PSMD2: variants seen among roughly 807,000 people sequenced by gnomAD.
PSMD2 encodes the protein proteasome 26S subunit ubiquitin receptor, non-ATPase 2, also known as 26S proteasome non-ATPase regulatory subunit 2.
A neutral mutation model predicts 101.5 loss-of-function variants in PSMD2; 8 were observed. The observed-to-expected ratio is 0.08, with a 90% CI of 0.05 to 0.14. PSMD2 has a LOEUF of 0.14. Ranked by LOEUF, PSMD2 falls within the 10% of genes least tolerant of loss-of-function variation. The pLI is 1.00. For synonymous variants in PSMD2, 418 were observed against 433.8 expected (o/e 0.96, Z 0.45); for missense variants, 784 against 1,147.4 (o/e 0.68, Z 4.58).
In PSMD2 at chr3:184,301,524, CTT is replaced by C. The variant is rs770599135; in HGVS notation, c.358-10_358-9del. 13 of 1,612,828 alleles carry C rather than the reference CTT, an allele frequency of 8.1e-6. No homozygotes were observed. In the African/African-American group the frequency reaches 1.2e-4, roughly 15 times the overall value. Reference sequence around the variant, plus strand: ...CTGCTGGGTTTGACTTCAAAGAACTCTTTTCTTTATAGCGTTTTGCTGCTGAC... The same window carrying C: ...CTGCTGGGTTTGACTTCAAAGAACTCTTCTTTATAGCGTTTTGCTGCTGAC... On this transcript the variant is annotated splice_polypyrimidine_tract_variant and intron_variant, in intron 3 of 20. Transcript: ENST00000310118.
At position 184,302,353 on chromosome 3, in the gene PSMD2, T is replaced by TA. The variant is rs1721675091; in HGVS notation, c.705-16dup. 1.9e-6 allele frequency: 3 copies of TA among 1,604,260 alleles called. No individual in the cohort carries two copies. In the South Asian group the frequency reaches 3.4e-5, roughly 18 times the overall value. On this transcript the variant is annotated splice_polypyrimidine_tract_variant and intron_variant, in intron 5 of 20. Coordinates refer to ENST00000310118, the MANE Select transcript of PSMD2 (RefSeq NM_002808.5). ...GCCTGGGACTTTCTGAATTCTTTGTTACTTTTACTTTTGTAGTTGTGTGAA... is the reference window on the plus strand; with the variant it reads ...GCCTGGGACTTTCTGAATTCTTTGTTAACTTTTACTTTTGTAGTTGTGTGAA...
At position 184,306,142 on chromosome 3, in the gene PSMD2, G is replaced by C; in HGVS notation, c.1791G>C (p.Val597=). ...GTTTTGCCAACACACTGGTGGATGTGTGTGCATATGCAGGTCTGTGTCTTT... is the reference window on the plus strand; with the variant it reads ...GTTTTGCCAACACACTGGTGGATGTCTGTGCATATGCAGGTCTGTGTCTTT... ...FRSFANTLVD[V]CAYAGSGNVL... Residue 597 remains valine (V), a synonymous_variant, in exon 14 of 21, where the codon GTG becomes GTC. Transcript: ENST00000310118. 1 of 1,614,234 alleles carries C rather than the reference G, an allele frequency of 6.2e-7. No individual in the cohort carries two copies. Among genetic ancestry groups the C allele is most frequent in the Non-Finnish European group, 8.5e-7 (1 of 1,180,042 alleles).
rs753128651 is a variant in PSMD2, at chr3:184,306,073, G to A, written c.1722G>A (p.Glu574=). ...CTGTAGGGAAGGGTGAGGCCATCGAGGCAATCCTGGCTGCACTGGAGGTTG... is the reference window on the plus strand; with the variant it reads ...CTGTAGGGAAGGGTGAGGCCATCGAAGCAATCCTGGCTGCACTGGAGGTTG... ...LNHLGKGEAI[E]AILAALEVVS... Residue 574 remains glutamate, a synonymous_variant, in exon 14 of 21, where the codon GAG becomes GAA. Coordinates refer to ENST00000310118, the MANE Select transcript of PSMD2 (RefSeq NM_002808.5). The A allele has an allele frequency of 6.2e-7, 1 of 1,614,220 alleles. No homozygotes were observed. The highest frequency in any genetic ancestry group is 8.5e-7 in the Non-Finnish European group (1 of 1,180,044).
chr3:184,302,704 A>T lies in PSMD2; in HGVS notation c.889A>T (p.Met297Leu), dbSNP rs1284421460. The T allele has an allele frequency of 5.6e-6, 9 of 1,614,136 alleles. No homozygotes were observed. Among genetic ancestry groups the T allele is most frequent in the Non-Finnish European group, 6.8e-6 (8 of 1,180,040 alleles). Reference sequence around the variant, plus strand: ...GGTAGTACAGAAACAGATGGCATTCATGCTAGGCCGGCATGGGGTGTTCCT... The same window carrying T: ...GGTAGTACAGAAACAGATGGCATTCTTGCTAGGCCGGCATGGGGTGTTCCT... Reference protein sequence around the residue: ...DVVVQKQMAFMLGRHGVFLEL... With the variant: ...DVVVQKQMAFLLGRHGVFLEL... The change falls in exon 7 of 21, where the codon ATG (methionine) becomes TTG (leucine). Residue 297 changes from methionine (M) to leucine (L), a missense_variant. This residue lies in a region of PSMD2 where 208 missense variants were observed against 301.6 expected (regional missense o/e 0.69). Transcript: ENST00000310118.
chr3:184,305,085 A>C (rs576679279), intron 12 of PSMD2, among the ~76,000 whole-genome samples: 14 of 152,306 alleles, frequency 9.2e-5, no homozygotes, highest in African/African-American at 3.1e-4. Flanking sequence ...CATGGTGGCT[A>C]GTGGCATAGA....
chr3:184,302,370 T>C lies in PSMD2; in HGVS notation c.705T>C (p.Ser235=), dbSNP rs1273137305. The change falls in exon 6 of 21, where the codon AGT becomes AGC. Residue 235 remains serine (S), a splice_region_variant and synonymous_variant. Coordinates refer to ENST00000310118, the MANE Select transcript of PSMD2 (RefSeq NM_002808.5). ...TTCTTTGTTACTTTTACTTTTGTAG[T>C]TGTGTGAATTACGTGCCTGAGCCTG... ...AYAKVCLYLT[S]CVNYVPEPEN... 1 of 1,609,850 alleles carries C rather than the reference T, an allele frequency of 6.2e-7. No individual in the cohort carries two copies. The highest frequency in any genetic ancestry group is 1.7e-5 in the Admixed American group (1 of 58,890).
rs376227960 is a variant in PSMD2 at position 184,305,949 on chromosome 3, T to G, written c.1702+19T>G. On this transcript the variant is annotated intron_variant, in intron 13 of 20. Transcript: ENST00000310118. The stretch of plus-strand genomic sequence containing the variant: ...CACCTGGGTGAGGGGATGTTTCTAT[T>G]TGGGCAAAGAGCTGACAGTAACTGG... 6.8e-5 allele frequency: 110 copies of G among 1,613,902 alleles called. No individual in the cohort carries two copies. Among genetic ancestry groups the G allele is most frequent in the Middle Eastern group, 6.6e-4 (4 of 6,082 alleles).
At chr3:184,302,131 T>G (rs1560194167) in intron 5 of PSMD2, 60 bp downstream of exon 5, 3 of 1,526,280 alleles carry the variant, frequency 2.0e-6, no homozygotes. Flanking sequence ...TCTCTCTCAA[T>G]TGCGCCTCCT....
At chr3:184,301,467 G>T in intron 3 of PSMD2, 70 bp from the exon 4 acceptor site, 1 of 1,567,362 alleles carries the variant, frequency 6.4e-7, no homozygotes, top group East Asian at 2.3e-5. Flanking sequence ...CAATGATCTT[G>T]ATTCCACAAT....
rs1284074098 is a variant in PSMD2, at chr3:184,304,096, T to C, written c.1451+22T>C. On this transcript the variant is annotated intron_variant, in intron 11 of 20. Coordinates refer to ENST00000310118, the MANE Select transcript of PSMD2 (RefSeq NM_002808.5). The surrounding 1 kb of genome is among the most constrained non-coding windows in gnomAD (Gnocchi z 4.1). ...TTGGGTAAGGTTCCTCGCTTGTCTT[T>C]CTGGTAGTGCTCAGCCTGTACACTC... The C allele has an allele frequency of 1.9e-6, 3 of 1,613,582 alleles. No individual in the cohort carries two copies. The highest frequency in any genetic ancestry group is 2.2e-5 in the South Asian group (2 of 91,058).
Position 184,308,114 on chromosome 3 carries a change from AGCTCTGTATC to A in PSMD2, c.2425+104_2425+113del. On this transcript the variant is annotated intron_variant, in intron 19 of 20. Transcript: ENST00000310118. This position sits in a 1 kb window ranked among gnomAD's most constrained non-coding sequence, Gnocchi z 6.0. ...TAATTTAGGTTCAAGACCCCAGTTT[AGCTCTGTATC>A]GCTCTAGGTTTCTGAGACAGGCTTT... 3.4e-6 allele frequency: 5 copies of A among 1,471,194 alleles called. No individual in the cohort carries two copies. The South Asian group carries it at 6.3e-5, about 19-fold the overall frequency. The allele number at this position is 1,471,194 out of a possible 1,614,324, so 91.1% of individuals were successfully genotyped here. A position where few individuals can be genotyped will look rare whatever the true frequency, so the allele number is the denominator to read the frequency against.
At position 184,308,360 on chromosome 3, in the gene PSMD2, A is replaced by T; in HGVS notation, c.2426-89A>T. On this transcript the variant is annotated intron_variant, in intron 19 of 20. Coordinates refer to ENST00000310118, the MANE Select transcript of PSMD2 (RefSeq NM_002808.5). This position sits in a 1 kb window ranked among gnomAD's most constrained non-coding sequence, Gnocchi z 6.0. ...GATTCAGTCGTATGACTGACGGGTT[A>T]AAGGGTCAGCGCTGAGGTGGGCTCT... is the stretch of plus-strand genomic sequence containing the variant. The T allele has an allele frequency of 1.9e-6, 2 of 1,063,644 alleles. No individual in the cohort carries two copies. The highest frequency in any genetic ancestry group is 2.8e-6 in the Non-Finnish European group (2 of 725,642). The allele number at this position is 1,063,644 out of a possible 1,614,324, so 65.9% of individuals were successfully genotyped here. A position where few individuals can be genotyped will look rare whatever the true frequency, so the allele number is the denominator to read the frequency against.
chr3:184,308,416 C>A lies in PSMD2; in HGVS notation c.2426-33C>A. On this transcript the variant is annotated intron_variant, in intron 19 of 20. Transcript: ENST00000310118. The surrounding 1 kb of genome is among the most constrained non-coding windows in gnomAD (Gnocchi z 6.0). ...TTTCTGGCCAGGCCTGTCTTTTTGT[C>A]TCTTAACTTTTTGTCCTGTCTGCTT... 1 of 1,542,044 alleles carries A rather than the reference C, an allele frequency of 6.5e-7. No homozygotes were observed. Among genetic ancestry groups the A allele is most frequent in the South Asian group, 1.1e-5 (1 of 87,066 alleles).
In PSMD2 at chr3:184,308,881, T is replaced by C. The variant is rs1236322521; in HGVS notation, c.2718T>C (p.Tyr906=). The C allele has an allele frequency of 5.0e-6, 8 of 1,611,826 alleles. No individual in the cohort carries two copies. The highest frequency in any genetic ancestry group is 4.0e-5 in the African/African-American group (3 of 74,866). ...TTATCCTTCGGAAGAACCCCAATTATGATCTCTAAGTGACCACCAGGGGCT... is the reference window on the plus strand; with the variant it reads ...TTATCCTTCGGAAGAACCCCAATTACGATCTCTAAGTGACCACCAGGGGCT... The part of the protein sequence containing the change: ...GFVILRKNPN[Y]DL Residue 906 remains tyrosine (Y), a synonymous_variant, in exon 21 of 21, where the codon TAT becomes TAC. Transcript: ENST00000310118. The surrounding 1 kb of genome is among the most constrained non-coding windows in gnomAD (Gnocchi z 6.0).
Position 184,306,739 on chromosome 3 carries a change from C to A in PSMD2, c.1951-12C>A, listed in dbSNP as rs773639548. On this transcript the variant is annotated splice_polypyrimidine_tract_variant and intron_variant, in intron 15 of 20. Transcript: ENST00000310118. ...TTGAGCTTAATGGGTTCTGCTCTCT[C>A]TTCAATTGCAGGGAGTGGCTGTTCT... 5 of 1,611,932 alleles carry A rather than the reference C, an allele frequency of 3.1e-6. No homozygotes were observed. Among genetic ancestry groups the A allele is most frequent in the Middle Eastern group, 1.7e-4 (1 of 6,048 alleles).
At position 184,303,396 on chromosome 3, in the gene PSMD2, T is replaced by C. The variant is rs747910269; in HGVS notation, c.1146T>C (p.Asn382=). The C allele has an allele frequency of 6.2e-7, 1 of 1,614,184 alleles. No homozygotes were observed. The highest frequency in any genetic ancestry group is 8.5e-7 in the Non-Finnish European group (1 of 1,180,018). ...CCTCTTTTGTGAATGGCTTTGTGAA[T>C]GCAGCTTTTGGCCAAGACAAGCTGC... ...LASSFVNGFV[N]AAFGQDKLLT... is the part of the protein sequence containing the mutation. The change falls in exon 9 of 21, where the codon AAT becomes AAC. Residue 382 remains asparagine, a synonymous_variant. Coordinates refer to ENST00000310118, the MANE Select transcript of PSMD2 (RefSeq NM_002808.5).
chr3:184,308,714 G>A lies in PSMD2; in HGVS notation c.2551G>A (p.Asp851Asn). 1 of 1,613,348 alleles carries A rather than the reference G, an allele frequency of 6.2e-7. No homozygotes were observed. The highest frequency in any genetic ancestry group is 8.5e-7 in the Non-Finnish European group (1 of 1,179,378). The change falls in exon 21 of 21, where the codon GAT becomes AAT. Residue 851 changes from aspartate (D) to asparagine (N), a missense_variant. Coordinates refer to ENST00000310118, the MANE Select transcript of PSMD2 (RefSeq NM_002808.5). This position sits in a 1 kb window ranked among gnomAD's most constrained non-coding sequence, Gnocchi z 6.0. ...CAATTTTCTTACCCTACAGGCAGTG[G>A]ATGTGGTGGGCCAGGCTGGCAAGCC... Reference protein sequence around the residue: ...PVSVRVGQAVDVVGQAGKPKT... With the variant: ...PVSVRVGQAVNVVGQAGKPKT...
intron 15 of PSMD2, 72 bp downstream of exon 15, chr3:184,306,567 GT>G: frequency 6.4e-7 from 1 of 1,563,912 alleles, no homozygotes. Context: ...GCTGGGTTTG[GT>G]TTTTGCTTTA....
chr3:184,302,480 T>A lies in PSMD2; in HGVS notation c.815T>A (p.Leu272His), dbSNP rs759460610. ...FPEALRLALMLNDMELVEDIF... is the reference protein window; with the variant it reads ...FPEALRLALMHNDMELVEDIF... ...GAAGCTCTGAGATTGGCATTGATGC[T>A]CAATGACATGGAGTTGGTAGAAGAC... The change falls in exon 6 of 21, where the codon CTC (leucine) becomes CAC (histidine). Residue 272 changes from leucine (L) to histidine (H), a missense_variant. Physicochemically the swap from Leu to His is moderately conservative, Grantham distance 99. Transcript: ENST00000310118. The A allele has an allele frequency of 6.2e-7, 1 of 1,614,152 alleles. No homozygotes were observed. Among genetic ancestry groups the A allele is most frequent in the Non-Finnish European group, 8.5e-7 (1 of 1,180,034 alleles).
Sources: gnomAD v4.1 joint callset for allele counts (sites outside exome capture counted in the v4.1 genomes callset) on GRCh38, gnomAD v4.1.1 for gene constraint, gnomAD v4.1.1 regional missense constraint, Gnocchi (gnomAD v3.1) non-coding constraint, MANE v1.5 for transcripts, NCBI Gene and HGNC (gene_info 2026-07-23, HGNC 2026-07-21) for gene names.